ERCC8: variants seen among roughly 807,000 people sequenced by gnomAD.
ERCC8 encodes the protein DNA excision repair protein ERCC-8.
Under a neutral mutation model 54.9 loss-of-function variants are expected in ERCC8, and 52 were observed. The observed-to-expected ratio is 0.95, with a 90% CI of 0.76 to 1.19. The LOEUF (loss-of-function observed/expected upper bound fraction) is 1.19. ERCC8 is among the 50% of genes most tolerant of loss of function. The pLI is 0.00. For missense variants in ERCC8, 514 were observed against 466.1 expected, an observed-to-expected ratio of 1.10 and a Z score of -0.95; for synonymous variants, 146 against 157.2, an observed-to-expected ratio of 0.93 and a Z score of 0.53.
Position 60,868,975 on chromosome 5 carries a change from G to T in ERCC8, c.*5640C>A, listed in dbSNP as rs1230264247. On this transcript the variant is annotated 3_prime_UTR_variant, in exon 12 of 12. Transcript: ENST00000676185. ...GACAGGCAATATTCTAATTGTGCTA[G>T]GCTTGCCATTCCATTTCTGGCATAG... Among the ~76,000 whole-genome samples the T allele has an allele frequency of 6.6e-6, 1 of 152,088 alleles. No individual in the cohort carries two copies. The highest frequency in any genetic ancestry group is 2.4e-5 in the African/African-American group (1 of 41,396).
rs1161911588 is a variant in ERCC8, at chr5:60,868,323, T to C, written c.*6292A>G. 6.6e-6 allele frequency among the ~76,000 whole-genome samples: 1 copy of C among 152,210 alleles called. No homozygotes were observed. Among genetic ancestry groups the C allele is most frequent in the Non-Finnish European group, 1.5e-5 (1 of 68,022 alleles). ...TGGGACAGAGACACCCATTTCTTTC[T>C]AGACCTCAGAAGAGCATGAACTCGG... On this transcript the variant is annotated 3_prime_UTR_variant, in exon 12 of 12. Coordinates refer to ENST00000676185, the MANE Select transcript of ERCC8 (RefSeq NM_000082.4).
chr5:60,936,162 T>G (rs1750059610), intron 1 of ERCC8, among the ~76,000 whole-genome samples: 1 of 152,244 alleles, frequency 6.6e-6, no homozygotes, highest in Admixed American at 6.5e-5. Context: ...AAACTTTTTT[T>G]GGTAACTTTT....
intron 1 of ERCC8, among the ~76,000 whole-genome samples, chr5:60,932,595 A>G (rs1453040602): frequency 6.6e-6 from 1 of 152,192 alleles, no homozygotes; most frequent in Non-Finnish European, 1.5e-5. Flanking sequence ...CTAGGAAAGG[A>G]TTCTTGGAAG....
chr5:60,904,847 T>C lies in ERCC8; in HGVS notation c.426A>G (p.Glu142=). ...LQTADVFNFE[E]TVYSHHMSPV... ...GAGACATATGATGACTATAAACTGT[T>C]TCCTCAAAATTAAATACATCTGCAG... The change falls in exon 5 of 12, where the codon GAA becomes GAG. Residue 142 remains glutamate (E), a synonymous_variant. Transcript: ENST00000676185. 6.3e-7 allele frequency: 1 copy of C among 1,581,974 alleles called. No individual in the cohort carries two copies. Among genetic ancestry groups the C allele is most frequent in the East Asian group, 2.3e-5 (1 of 44,438 alleles).
intron 11 of ERCC8, among the ~76,000 whole-genome samples, chr5:60,884,277 A>AGACCATC (rs1748328425): frequency 6.6e-6 from 1 of 151,974 alleles, no homozygotes; most frequent in Non-Finnish European, 1.5e-5. Flanking sequence ...CAGGAGATCG[A>AGACCATC]GACCATCCTG....
chr5:60,917,945 T>C (rs1343990305), intron 4 of ERCC8: 4 of 253,894 alleles, frequency 1.6e-5, no homozygotes, highest in Non-Finnish European at 3.1e-5. Flanking sequence ...CTAACAGTTT[T>C]TGAGCATTTA....
chr5:60,908,583 A>ATATATT (rs527918086), intron 4 of ERCC8, among the ~76,000 whole-genome samples: 16 of 141,880 alleles, frequency 1.1e-4, no homozygotes, highest in African/African-American at 4.1e-4. Flanking sequence ...ATATATATAT[A>ATATATT]TTTTTTTTTT....
chr5:60,940,742 A>G (rs945849483), intron 1 of ERCC8, among the ~76,000 whole-genome samples: 7 of 152,244 alleles, frequency 4.6e-5, no homozygotes, highest in Non-Finnish European at 7.3e-5. Flanking sequence ...CTGAGCTAAC[A>G]TTAAAACTAC....
rs1419787979 is a variant in ERCC8, at chr5:60,870,759, A to T, written c.*3856T>A. ...AGAAGAAGGAAAAAGGAGAAGCAAC[A>T]ATTAGACAAATATTAGAAGAAAATA... On this transcript the variant is annotated 3_prime_UTR_variant, in exon 12 of 12. Transcript: ENST00000676185. 7.9e-5 allele frequency among the ~76,000 whole-genome samples: 12 copies of T among 152,162 alleles called. No homozygotes were observed. In the East Asian group the frequency reaches 2.1e-3, roughly 27 times the overall value.
Position 60,890,991 on chromosome 5 carries a change from A to G in ERCC8, c.939T>C (p.Gly313=). The G allele has an allele frequency of 6.2e-7, 1 of 1,610,902 alleles. No homozygotes were observed. The highest frequency in any genetic ancestry group is 8.5e-7 in the Non-Finnish European group (1 of 1,177,218). Residue 313 remains glycine, a synonymous_variant, in exon 10 of 12, where the codon GGT becomes GGC. Coordinates refer to ENST00000676185, the MANE Select transcript of ERCC8 (RefSeq NM_000082.4). ...CSSEFVFVPY[G]STIAVYTVYS... The stretch of plus-strand genomic sequence containing the variant: ...AAACTGTATAAACAGCAATGGTGCT[A>G]CCATATGGTACAAAAACAAATTCTG...
intron 8 of ERCC8, among the ~76,000 whole-genome samples, chr5:60,898,940 C>T (rs190287955): frequency 5.3e-5 from 8 of 150,996 alleles, no homozygotes; most frequent in African/African-American, 1.9e-4. Flanking sequence ...TTACATGTTT[C>T]ATAAGGTTTT....
intron 2 of ERCC8, chr5:60,924,429 T>C (rs1023543667): frequency 6.5e-6 from 1 of 154,532 alleles, no homozygotes; most frequent in Non-Finnish European, 1.5e-5. Flanking sequence ...CCTTTTTGTA[T>C]CTGAAATCAG....
At chr5:60,890,851 A>G in intron 10 of ERCC8, 38 bp downstream of exon 10, 1 of 1,450,194 alleles carries the variant, frequency 6.9e-7, no homozygotes, top group Non-Finnish European at 9.7e-7. Flanking sequence ...CTGGCAAGCT[A>G]GCTAGCTGAA....
chr5:60,874,561 C>G lies in ERCC8; in HGVS notation c.*54G>C. 6.7e-7 allele frequency: 1 copy of G among 1,497,956 alleles called. No individual in the cohort carries two copies. The highest frequency in any genetic ancestry group is 2.3e-5 in the East Asian group (1 of 44,214). 92.8% of individuals were successfully genotyped at this position (1,497,956 alleles called of 1,614,324 possible). Reference sequence around the variant, plus strand: ...GAATAGACCATACAGTTGAAAAAAACACAGTCTCATTTAAAAAGTTTCAGC... The same window carrying G: ...GAATAGACCATACAGTTGAAAAAAAGACAGTCTCATTTAAAAAGTTTCAGC... On this transcript the variant is annotated 3_prime_UTR_variant, in exon 12 of 12. Transcript: ENST00000676185.
intron 1 of ERCC8, among the ~76,000 whole-genome samples, chr5:60,940,844 A>T (rs951544758): frequency 6.6e-6 from 1 of 152,248 alleles, no homozygotes; most frequent in African/African-American, 2.4e-5. Context: ...TAGGATCAAA[A>T]CAAGACCCAG....
intron 11 of ERCC8, 118 bp from the exon 12 acceptor site, chr5:60,874,801 A>C (rs190080881): frequency 2.5e-6 from 2 of 810,110 alleles, no homozygotes; most frequent in East Asian, 5.4e-5. Context: ...ATTTTGGAAG[A>C]AAATGTATAA....
chr5:60,886,703 A>AAAAAATAAAAATAAAAAT (rs537368621), intron 11 of ERCC8, among the ~76,000 whole-genome samples: 41 of 142,772 alleles, frequency 2.9e-4, no homozygotes, highest in African/African-American at 1.1e-3. Context: ...CTCCATCTCA[A>AAAAAATAAAAATAAAAAT]AAAAATAAAA....
At chr5:60,922,258 G>A (rs1580029490) in intron 2 of ERCC8, 103 bp from the exon 3 acceptor site, 2 of 721,332 alleles carry the variant, frequency 2.8e-6, no homozygotes, top group African/African-American at 1.8e-5. Flanking sequence ...ACACTCAAAT[G>A]TATTAAGGAT....
At position 60,890,899 on chromosome 5, in the gene ERCC8, G is replaced by T; in HGVS notation, c.1031C>A (p.Ser344Ter). The change falls in exon 10 of 12, where the codon TCA (serine) becomes TAA (stop). Residue 344 changes from serine (S) to a stop codon, truncating the protein, a stop_gained. Coordinates refer to ENST00000676185, the MANE Select transcript of ERCC8 (RefSeq NM_000082.4). LOFTEE classifies it high-confidence loss of function. ...CTGTATCACTCTTACCTGGAAATTT[G>T]ACTGAAATACACAGCAGTCAACAGT... ...YKTVDCCVFQ[S>*]NFQELYSGSR... The T allele has an allele frequency of 1.2e-6, 2 of 1,612,424 alleles. No individual in the cohort carries two copies. The highest frequency in any genetic ancestry group is 2.2e-5 in the South Asian group (2 of 90,968).
Sources: gnomAD v4.1 joint callset for allele counts (sites outside exome capture counted in the v4.1 genomes callset) on GRCh38, gnomAD v4.1.1 for gene constraint, MANE v1.5 for transcripts, NCBI Gene and HGNC (gene_info 2026-07-23, HGNC 2026-07-21) for gene names.